CDH9: variants seen among roughly 807,000 people sequenced by gnomAD.
The protein encoded by CDH9 is cadherin 9.
A neutral mutation model predicts 70.9 loss-of-function variants in CDH9; 28 were observed. The observed-to-expected ratio is 0.40, with a 90% CI of 0.29 to 0.54. The LOEUF (loss-of-function observed/expected upper bound fraction) is 0.54. Ranked by LOEUF, CDH9 falls within the 20% of genes least tolerant of loss-of-function variation. The pLI is 0.59. For synonymous variants in CDH9, 409 were observed against 343.1 expected, an observed-to-expected ratio of 1.19 and a Z score of -2.12; for missense variants, 874 against 984.4, an observed-to-expected ratio of 0.89 and a Z score of 1.50.
intron 2 of CDH9, among the ~76,000 whole-genome samples, chr5:26,986,825 C>T (rs1013280753): frequency 1.8e-4 from 27 of 152,054 alleles, no homozygotes; most frequent in African/African-American, 5.5e-4. Context: ...CCTGAGGATG[C>T]CATATGACTA....
At chr5:26,927,562 T>C (rs1741364620) in intron 2 of CDH9, among the ~76,000 whole-genome samples, 1 of 152,022 alleles carries the variant, frequency 6.6e-6, no homozygotes, top group African/African-American at 2.4e-5. Flanking sequence ...GCAACTTCTA[T>C]GTACCCCAAG....
chr5:26,982,018 AG>A (rs1742408197), intron 2 of CDH9, among the ~76,000 whole-genome samples: 1 of 152,050 alleles, frequency 6.6e-6, no homozygotes, highest in Non-Finnish European at 1.5e-5. Context: ...ACCCTTCTGA[AG>A]ATAATGTCAC....
chr5:26,960,787 T>G (rs905299453), intron 2 of CDH9, among the ~76,000 whole-genome samples: 1 of 121,020 alleles, frequency 8.3e-6, no homozygotes, highest in Non-Finnish European at 1.8e-5. Flanking sequence ...AAAGTTTTCA[T>G]TGTAAAAGTA....
intron 7 of CDH9, among the ~76,000 whole-genome samples, chr5:26,897,024 G>C (rs755108921): frequency 4.6e-5 from 7 of 151,968 alleles, no homozygotes; most frequent in Admixed American, 2.0e-4. Context: ...ACTACCATTA[G>C]AGAATACTAT....
chr5:27,031,385 G>C (rs1743307781), intron 1 of CDH9, among the ~76,000 whole-genome samples: 2 of 151,826 alleles, frequency 1.3e-5, no homozygotes, highest in Admixed American at 6.6e-5. Context: ...AACTGAAGTA[G>C]AATTTTCAAT....
intron 1 of CDH9, among the ~76,000 whole-genome samples, chr5:27,033,385 AACAT>A (rs970827224): frequency 6.6e-6 from 1 of 151,378 alleles, no homozygotes; most frequent in African/African-American, 2.4e-5. Flanking sequence ...TACACACACA[AACAT>A]ACAGACATAG....
At chr5:26,895,836 A>G (rs1016673262) in intron 7 of CDH9, among the ~76,000 whole-genome samples, 5 of 152,048 alleles carry the variant, frequency 3.3e-5, no homozygotes, top group Non-Finnish European at 7.4e-5. Flanking sequence ...TTCTGCTCTG[A>G]GATCAGTCAT....
Position 26,909,354 on chromosome 5 carries a change from C to T in CDH9, c.524-2516G>A, listed in dbSNP as rs149460958. Among the ~76,000 whole-genome samples, 633 of 152,022 alleles carry T rather than the reference C, an allele frequency of 4.2e-3. 5 individuals carry two copies. The highest frequency in any genetic ancestry group is 0.014 in the African/African-American group (594 of 41,526). On this transcript the variant is annotated intron_variant, in intron 3 of 11. Coordinates refer to ENST00000231021, the MANE Select transcript of CDH9 (RefSeq NM_016279.4). ...AGAGAATACACATGGATATTTACAT[C>T]CCACTAAATTTTCCAAAATATGTAT...
At chr5:26,895,643 C>G (rs1342471176) in intron 7 of CDH9, among the ~76,000 whole-genome samples, 1 of 151,946 alleles carries the variant, frequency 6.6e-6, no homozygotes, top group African/African-American at 2.4e-5. Context: ...TTTGGAGATT[C>G]GTGATTACTA....
intron 2 of CDH9, among the ~76,000 whole-genome samples, chr5:26,940,099 G>A (rs758550437): frequency 6.6e-6 from 1 of 151,030 alleles, no homozygotes; most frequent in African/African-American, 2.4e-5. Flanking sequence ...GGAGGCAGAG[G>A]TTGCAGTGAG....
chr5:26,919,816 A>T (rs12660004), intron 2 of CDH9, among the ~76,000 whole-genome samples: 18,459 of 152,074 alleles, frequency 0.12, 1,299 homozygotes, highest in Middle Eastern at 0.33. Context: ...TCCTTAAGGG[A>T]AGAATCCAAT....
At chr5:26,906,350 A>G (rs926565452) in intron 4 of CDH9, among the ~76,000 whole-genome samples, 5 of 152,106 alleles carry the variant, frequency 3.3e-5, no homozygotes, top group African/African-American at 1.2e-4. Flanking sequence ...AATGTATTTA[A>G]TTTTTTTGAT....
At chr5:26,923,913 G>C (rs182089086) in intron 2 of CDH9, among the ~76,000 whole-genome samples, 137 of 152,004 alleles carry the variant, frequency 9.0e-4, no homozygotes, top group Non-Finnish European at 1.4e-3. Flanking sequence ...ATAGGAAGAG[G>C]AAAGTTCATA....
chr5:27,000,995 T>G (rs1368515843), intron 1 of CDH9, among the ~76,000 whole-genome samples: 1 of 152,098 alleles, frequency 6.6e-6, no homozygotes, highest in African/African-American at 2.4e-5. Context: ...AAGGAGACAT[T>G]TTGGGCAGTG....
intron 1 of CDH9, among the ~76,000 whole-genome samples, chr5:26,992,207 G>A (rs1309737771): frequency 6.6e-6 from 1 of 152,150 alleles, no homozygotes; most frequent in African/African-American, 2.4e-5. Flanking sequence ...CCTGCCTGCT[G>A]CTCACCTCCT....
intron 7 of CDH9, among the ~76,000 whole-genome samples, chr5:26,897,347 C>T (rs1051680651): frequency 6.6e-6 from 1 of 152,098 alleles, no homozygotes; most frequent in African/African-American, 2.4e-5. Context: ...GATAACAAAA[C>T]ATGTCAGAGA....
chr5:26,974,447 C>T lies in CDH9; in HGVS notation c.228+13659G>A, dbSNP rs138952073. Among the ~76,000 whole-genome samples, 514 of 151,910 alleles carry T rather than the reference C, an allele frequency of 3.4e-3. 1 individual carries two copies. The highest frequency in any genetic ancestry group is 5.9e-3 in the Non-Finnish European group (400 of 67,964). ...CTCCTATCTTGTGTTTAATCAGTGC[C>T]GTGATTACAATAGGACTATAGAGAA... On this transcript the variant is annotated intron_variant, in intron 2 of 11. Coordinates refer to ENST00000231021, the MANE Select transcript of CDH9 (RefSeq NM_016279.4).
At chr5:26,929,589 C>A (rs866902477) in intron 2 of CDH9, among the ~76,000 whole-genome samples, 1 of 151,926 alleles carries the variant, frequency 6.6e-6, no homozygotes, top group Non-Finnish European at 1.5e-5. Context: ...TAGAAGCAAC[C>A]TAAGTGTTCA....
intron 1 of CDH9, among the ~76,000 whole-genome samples, chr5:27,018,720 A>G (rs1023394276): frequency 4.6e-5 from 7 of 151,926 alleles, no homozygotes; most frequent in Non-Finnish European, 8.8e-5. Flanking sequence ...CAATCTGAGA[A>G]GGTTTGAGTA....
Sources: gnomAD v4.1 joint callset for allele counts (sites outside exome capture counted in the v4.1 genomes callset) on GRCh38, gnomAD v4.1.1 for gene constraint, MANE v1.5 for transcripts, NCBI Gene and HGNC (gene_info 2026-07-23, HGNC 2026-07-21) for gene names.